BAZ2B: variants seen among roughly 807,000 people sequenced by gnomAD.
BAZ2B encodes the protein bromodomain adjacent to zinc finger domain 2B, also known as bromodomain adjacent to zinc finger domain protein 2B.
BAZ2B carries 91 observed loss-of-function variants against 246.0 expected under a neutral mutation model. The ratio of observed to expected loss-of-function variants is 0.37; its 90% confidence interval spans 0.31 to 0.44. The LOEUF (loss-of-function observed/expected upper bound fraction) is 0.44, where lower values mean the gene tolerates loss of function less well. BAZ2B is among the 20% of genes least tolerant of loss of function. The pLI, the probability that BAZ2B is intolerant of heterozygous loss-of-function variation, is 1.00. For synonymous variants in BAZ2B, 855 were observed against 860.0 expected (o/e 0.99, Z 0.10); for missense variants, 2,332 against 2,533.7 (o/e 0.92, Z 1.71).
intron 33 of BAZ2B, chr2:159,332,985 A>T (rs1250828029): frequency 4.4e-6 from 1 of 226,818 alleles, no homozygotes; most frequent in African/African-American, 2.3e-5. Flanking sequence ...GAAATAATTA[A>T]CATGACATTA....
In BAZ2B at chr2:159,360,268, A is replaced by T. The variant is rs111952108; in HGVS notation, c.4214-9911T>A. Among the ~76,000 whole-genome samples, 188 of 152,148 alleles carry T rather than the reference A, an allele frequency of 1.2e-3. 1 individual carries two copies. The highest frequency in any genetic ancestry group is 4.6e-3 in the Admixed American group (71 of 15,282). On this transcript the variant is annotated intron_variant, in intron 27 of 36. Transcript: ENST00000392783. ...GTTATTTCAGCAGTCTCAGGATACA[A>T]AATCAATGTGCAAAAATCACAAGCA...
chr2:159,439,703 G>A (rs2073028424), intron 6 of BAZ2B, among the ~76,000 whole-genome samples: 1 of 152,138 alleles, frequency 6.6e-6, no homozygotes, highest in African/African-American at 2.4e-5. Context: ...GGTGATAGGG[G>A]AGGGTACACA....
intron 25 of BAZ2B, among the ~76,000 whole-genome samples, chr2:159,379,680 G>T (rs1345420998): frequency 1.3e-5 from 2 of 151,902 alleles, no homozygotes; most frequent in Non-Finnish European, 2.9e-5. Context: ...ATTATCATTG[G>T]TTCCAACTAG....
chr2:159,510,463 C>G (rs577857721), intron 2 of BAZ2B, among the ~76,000 whole-genome samples: 5 of 152,172 alleles, frequency 3.3e-5, no homozygotes, highest in East Asian at 1.9e-4. Context: ...GCCACTGCAT[C>G]TGACCAGGAG....
intron 27 of BAZ2B, among the ~76,000 whole-genome samples, chr2:159,363,877 G>A (rs2059961428): frequency 6.6e-6 from 1 of 152,100 alleles, no homozygotes; most frequent in East Asian, 1.9e-4. Context: ...GAAGGTCCCT[G>A]GGGAGGACGA....
At chr2:159,504,308 T>C (rs1237378560) in intron 2 of BAZ2B, among the ~76,000 whole-genome samples, 1 of 152,162 alleles carries the variant, frequency 6.6e-6, no homozygotes, top group Non-Finnish European at 1.5e-5. Context: ...GGCCTCTTAA[T>C]TTTAATAAAG....
intron 2 of BAZ2B, among the ~76,000 whole-genome samples, chr2:159,492,869 T>C (rs2080654853): frequency 6.6e-6 from 1 of 152,196 alleles, no homozygotes; most frequent in Admixed American, 6.5e-5. Context: ...TGTTATCTGT[T>C]TTTACATTTG....
intron 2 of BAZ2B, among the ~76,000 whole-genome samples, chr2:159,541,149 A>G (rs951566920): frequency 6.6e-6 from 1 of 152,166 alleles, no homozygotes; most frequent in African/African-American, 2.4e-5. Context: ...TCACTGTATG[A>G]CCTTGAGAGA....
At chr2:159,474,621 T>G (rs1327666364) in intron 3 of BAZ2B, among the ~76,000 whole-genome samples, 1 of 152,136 alleles carries the variant, frequency 6.6e-6, no homozygotes, top group Non-Finnish European at 1.5e-5. Context: ...GGTTATTTTG[T>G]CTGTTAGTTG....
At chr2:159,422,404 A>G (rs1228561797) in intron 13 of BAZ2B, among the ~76,000 whole-genome samples, 1 of 152,226 alleles carries the variant, frequency 6.6e-6, no homozygotes, top group Admixed American at 6.5e-5. Context: ...CACACAGACC[A>G]ATGGAACAGG....
At chr2:159,537,277 T>C (rs1371735988) in intron 2 of BAZ2B, among the ~76,000 whole-genome samples, 2 of 152,222 alleles carry the variant, frequency 1.3e-5, no homozygotes, top group East Asian at 1.9e-4. Context: ...TGAGGCATTA[T>C]TGTTTAATGT....
At chr2:159,353,699 G>A (rs2058792043) in intron 27 of BAZ2B, among the ~76,000 whole-genome samples, 1 of 152,168 alleles carries the variant, frequency 6.6e-6, no homozygotes, top group Non-Finnish European at 1.5e-5. Context: ...ACACAGGCTG[G>A]GAATAGTTCC....
At chr2:159,626,880 C>T in the BAZ2B span, among the ~76,000 whole-genome samples, 3 of 152,228 alleles carry the variant, frequency 2.0e-5, no homozygotes, top group South Asian at 6.2e-4. Flanking sequence ...AATCCAGGAC[C>T]TGGTTTTTTG....
intron 8 of BAZ2B, among the ~76,000 whole-genome samples, chr2:159,435,828 C>A (rs1277385948): frequency 6.6e-6 from 1 of 152,186 alleles, no homozygotes; most frequent in African/African-American, 2.4e-5. Context: ...GCAGTACTAA[C>A]AAGCAGTAAG....
At chr2:159,704,575 C>T in the BAZ2B span, among the ~76,000 whole-genome samples, 4 of 151,472 alleles carry the variant, frequency 2.6e-5, no homozygotes, top group African/African-American at 4.9e-5. Context: ...CTCCACCTCC[C>T]GGGTTCAAGT....
At chr2:159,425,792 A>G (rs72947513) in intron 13 of BAZ2B, among the ~76,000 whole-genome samples, 274 of 152,310 alleles carry the variant, frequency 1.8e-3, no homozygotes, top group Non-Finnish European at 3.4e-3. Flanking sequence ...TCACATCATA[A>G]TTACTATAAC....
chr2:159,706,809 T>C, the BAZ2B span, among the ~76,000 whole-genome samples: 51 of 152,210 alleles, frequency 3.4e-4, no homozygotes, highest in African/African-American at 1.2e-3. Flanking sequence ...AGCACTAATC[T>C]GGGCTGCTGT....
At position 159,400,199 on chromosome 2, in the gene BAZ2B, C is replaced by G. The variant is rs1298585460; in HGVS notation, c.2898+400G>C. Among the ~76,000 whole-genome samples, 3 of 152,274 alleles carry G rather than the reference C, an allele frequency of 2.0e-5. No homozygotes were observed. In the South Asian group the frequency reaches 6.2e-4, roughly 32 times the overall value. ...AAACCAGAAAAACAATCTGATAAAA[C>G]TTTGCACATTTAAAATTTACTTTTA... On this transcript the variant is annotated intron_variant, in intron 17 of 36. Transcript: ENST00000392783.
At chr2:159,629,453 A>AG in the BAZ2B span, among the ~76,000 whole-genome samples, 46 of 152,258 alleles carry the variant, frequency 3.0e-4, no homozygotes, top group Non-Finnish European at 5.9e-4. Flanking sequence ...GACTGGATAA[A>AG]GAGAATGTGG....
Sources: gnomAD v4.1 joint callset for allele counts (sites outside exome capture counted in the v4.1 genomes callset) on GRCh38, gnomAD v4.1.1 for gene constraint, MANE v1.5 for transcripts, NCBI Gene and HGNC (gene_info 2026-07-23, HGNC 2026-07-21) for gene names.